The following BMPER variants were observed in gnomAD, a reference collection of about 807,000 sequenced individuals.
BMPER encodes BMP-binding endothelial regulator protein.
Under a neutral mutation model 87.3 loss-of-function variants are expected in BMPER, and 45 were observed. The ratio of observed to expected loss-of-function variants is 0.52; its 90% CI spans 0.41 to 0.66. The LOEUF (loss-of-function observed/expected upper bound fraction) is 0.66. Among genes scored for constraint, BMPER ranks in the 30% least tolerant of loss-of-function variants. The probability of loss-of-function intolerance (pLI) is 0.00; values close to 1 mark genes in which losing one functional copy is unlikely to be tolerated. For missense variants in BMPER, 784 were observed against 867.5 expected (o/e 0.90, Z 1.21); for synonymous variants, 326 against 316.2 (o/e 1.03, Z -0.33).
At chr7:33,934,517 CAAAAAAA>C (rs11340819) in intron 2 of BMPER, among the ~76,000 whole-genome samples, 1 of 59,294 alleles carries the variant, frequency 1.7e-5, no homozygotes, top group Non-Finnish European at 4.2e-5. Context: ...TGTGTGTGTA[CAAAAAAA>C]AAAAAAAAAA....
intron 2 of BMPER, among the ~76,000 whole-genome samples, chr7:33,919,825 G>A (rs969372426): frequency 6.6e-6 from 1 of 152,190 alleles, no homozygotes; most frequent in East Asian, 1.9e-4. Flanking sequence ...ACTTATGCAA[G>A]CCAGAGATAT....
intron 2 of BMPER, among the ~76,000 whole-genome samples, chr7:33,912,450 C>T (rs1439585129): frequency 1.3e-5 from 2 of 152,144 alleles, no homozygotes; most frequent in Non-Finnish European, 2.9e-5. Context: ...CTGGACTTGA[C>T]TGTGGGTATC....
At chr7:34,101,528 T>G (rs1562744326) in intron 13 of BMPER, among the ~76,000 whole-genome samples, 1 of 152,194 alleles carries the variant, frequency 6.6e-6, no homozygotes, top group Non-Finnish European at 1.5e-5. Flanking sequence ...TTGCTCACAG[T>G]TATGAGTTGT....
intron 1 of BMPER, 49 bp downstream of exon 1, chr7:33,905,795 AC>A: frequency 9.5e-7 from 1 of 1,052,784 alleles, no homozygotes; most frequent in Non-Finnish European, 1.3e-6. Context: ...CCGGTTTGGT[AC>A]CTGGGAAAGG....
In BMPER at chr7:34,100,642, G is replaced by A. The variant is rs542560733; in HGVS notation, c.1745+14550G>A. Reference sequence around the variant, plus strand: ...TCAAATCATTTTTCCCCTGAAGACAGATCCCTCTTGTGGAGTTTTAAAGTG... The same window carrying A: ...TCAAATCATTTTTCCCCTGAAGACAAATCCCTCTTGTGGAGTTTTAAAGTG... On this transcript the variant is annotated intron_variant, in intron 13 of 14. Coordinates refer to ENST00000649409, the MANE Select transcript of BMPER (RefSeq NM_001365308.1). Among the ~76,000 whole-genome samples, 5 of 152,296 alleles carry A rather than the reference G, an allele frequency of 3.3e-5. No homozygotes were observed. The South Asian group carries it at 1.0e-3, about 32-fold the overall frequency.
rs373281779 is a variant in BMPER at position 33,912,264 on chromosome 7, G to T, written c.219+5361G>T. Among the ~76,000 whole-genome samples the T allele has an allele frequency of 2.4e-4, 37 of 152,294 alleles. No individual in the cohort carries two copies. In the East Asian group the frequency reaches 5.8e-3, roughly 24 times the overall value. On this transcript the variant is annotated intron_variant, in intron 2 of 14. Coordinates refer to ENST00000649409, the MANE Select transcript of BMPER (RefSeq NM_001365308.1). ...GCAGAGGGATTGGGTTGGGACTCGG[G>T]AGCACTGTAATTCTGGAAAAACTGC...
In BMPER at chr7:34,153,406, A is replaced by ATG; in HGVS notation, c.*134_*135insGT. On this transcript the variant is annotated 3_prime_UTR_variant, in exon 15 of 15. Transcript: ENST00000649409. ...ACACAGAGTATATATGTGTATATAT[A>ATG]TATAGATATATTCAAAAACATTGCA... is the stretch of plus-strand genomic sequence containing the variant. The ATG allele has an allele frequency of 1.2e-6, 1 of 815,308 alleles. No homozygotes were observed. The highest frequency in any genetic ancestry group is 2.5e-5 in the Admixed American group (1 of 40,774). 50.5% of individuals were successfully genotyped at this position (815,308 alleles called of 1,614,324 possible). A position where few individuals can be genotyped will look rare whatever the true frequency, so the allele number is the denominator to read the frequency against.
At chr7:34,048,294 A>G (rs750883275) in intron 7 of BMPER, among the ~76,000 whole-genome samples, 1 of 152,148 alleles carries the variant, frequency 6.6e-6, no homozygotes, top group South Asian at 2.1e-4. Flanking sequence ...TGCTAACTTC[A>G]TCTAACAATG....
intron 3 of BMPER, among the ~76,000 whole-genome samples, chr7:33,950,941 C>A (rs1293112028): frequency 6.6e-6 from 1 of 152,110 alleles, no homozygotes; most frequent in African/African-American, 2.4e-5. Flanking sequence ...CGCTTGCTTG[C>A]TTTTGGCCAT....
intron 6 of BMPER, among the ~76,000 whole-genome samples, chr7:34,004,062 A>G (rs908310802): frequency 2.0e-5 from 3 of 152,088 alleles, no homozygotes. Context: ...AGCGTTCCAC[A>G]CATCTCTGAG....
chr7:34,153,236 G>A lies in BMPER; in HGVS notation c.2021G>A (p.Gly674Glu), dbSNP rs1324912981. ...HCPANLVLHK[G>E]RCIKPVLCPQ... ...CCAGCAAACTTGGTCCTTCACAAGG[G>A]AAGGTGCATCAAGCCAGTCCTTTGT... The change falls in exon 15 of 15, where the codon GGA becomes GAA. Residue 674 changes from glycine (G) to glutamate (E), a missense_variant. Coordinates refer to ENST00000649409, the MANE Select transcript of BMPER (RefSeq NM_001365308.1). The A allele has an allele frequency of 6.2e-7, 1 of 1,613,970 alleles. No homozygotes were observed. Among genetic ancestry groups the A allele is most frequent in the Non-Finnish European group, 8.5e-7 (1 of 1,180,000 alleles).
rs74576804 is a variant in BMPER, at chr7:33,950,350, C to T, written c.319+12962C>T. Among the ~76,000 whole-genome samples, 902 of 152,254 alleles carry T rather than the reference C, an allele frequency of 5.9e-3. 4 individuals are homozygous for T. Among genetic ancestry groups the T allele is most frequent in the Non-Finnish European group, 1.0e-2 (678 of 68,016 alleles). ...GCTTCCTTCTGCTGCTGATGGCCAGCGTACTAGTTTTCTATTGATAGACAA... is the reference window on the plus strand; with the variant it reads ...GCTTCCTTCTGCTGCTGATGGCCAGTGTACTAGTTTTCTATTGATAGACAA... On this transcript the variant is annotated intron_variant, in intron 3 of 14. Transcript: ENST00000649409.
chr7:33,953,756 A>G (rs1785084770), intron 3 of BMPER, among the ~76,000 whole-genome samples: 1 of 152,170 alleles, frequency 6.6e-6, no homozygotes, highest in African/African-American at 2.4e-5. Context: ...GAACTTTTTC[A>G]TCATCTCAAA....
chr7:33,932,270 T>A (rs1784500625), intron 2 of BMPER, among the ~76,000 whole-genome samples: 2 of 152,176 alleles, frequency 1.3e-5, no homozygotes, highest in African/African-American at 4.8e-5. Flanking sequence ...ACTACCGGGA[T>A]GGAATAACAG....
intron 6 of BMPER, among the ~76,000 whole-genome samples, chr7:34,023,281 A>T (rs1787247059): frequency 6.6e-6 from 1 of 152,046 alleles, no homozygotes; most frequent in South Asian, 2.1e-4. Flanking sequence ...TCAGGTAAGA[A>T]ATGTTCTTAT....
At chr7:33,924,816 C>T (rs568494936) in intron 2 of BMPER, among the ~76,000 whole-genome samples, 56 of 152,212 alleles carry the variant, frequency 3.7e-4, no homozygotes, top group African/African-American at 1.2e-3. Flanking sequence ...TACAGGCACG[C>T]GCCACCAGCT....
At chr7:34,133,780 C>T (rs541021244) in intron 13 of BMPER, among the ~76,000 whole-genome samples, 36 of 152,094 alleles carry the variant, frequency 2.4e-4, no homozygotes, top group Admixed American at 1.8e-3. Flanking sequence ...AGTTGGTGTC[C>T]GCTGGAGAAC....
At chr7:34,022,860 C>T (rs956022094) in intron 6 of BMPER, among the ~76,000 whole-genome samples, 16 of 151,938 alleles carry the variant, frequency 1.1e-4, no homozygotes, top group South Asian at 2.1e-4. Flanking sequence ...GATGCTATGA[C>T]GGATCATCCT....
chr7:34,007,307 A>G (rs372834718), intron 6 of BMPER, among the ~76,000 whole-genome samples: 2 of 152,214 alleles, frequency 1.3e-5, no homozygotes, highest in South Asian at 2.1e-4. Flanking sequence ...GGCATATTGT[A>G]TTAAAATCAA....
Sources: allele counts gnomAD v4.1 joint callset (sites outside exome capture counted in the v4.1 genomes callset), GRCh38; gene constraint gnomAD v4.1.1; transcripts MANE v1.5; gene names NCBI Gene and HGNC (gene_info 2026-07-23, HGNC 2026-07-21).